Variants in TMOD3 observed in about 807,000 individuals in gnomAD.
TMOD3 encodes tropomodulin-3.
TMOD3 carries 20 observed loss-of-function variants against 39.2 expected under a neutral mutation model. That is an observed-to-expected ratio of 0.51 (90% confidence interval 0.36 to 0.74). The LOEUF is 0.74. TMOD3 is among the 30% of genes least tolerant of loss of function. TMOD3 has a pLI of 0.00. For missense variants in TMOD3, 381 were observed against 412.8 expected (o/e 0.92, Z 0.67); for synonymous variants, 143 against 145.8 (o/e 0.98, Z 0.14).
intron 3 of TMOD3, among the ~76,000 whole-genome samples, chr15:51,870,795 G>A (rs187613838): frequency 8.7e-4 from 132 of 152,280 alleles, no homozygotes; most frequent in African/African-American, 3.1e-3. Context: ...AGAACCAACA[G>A]GATGTGAGGG....
intron 1 of TMOD3, among the ~76,000 whole-genome samples, chr15:51,843,452 T>A (rs758921093): frequency 6.6e-6 from 1 of 152,222 alleles, no homozygotes; most frequent in Non-Finnish European, 1.5e-5. Context: ...GAAACATTTC[T>A]AAGTAAAGGA....
At chr15:51,850,409 G>GGCAGGT (rs2056355730) in intron 1 of TMOD3, among the ~76,000 whole-genome samples, 1 of 152,064 alleles carries the variant, frequency 6.6e-6, no homozygotes, top group Admixed American at 6.5e-5. Flanking sequence ...GTACAGGTGT[G>GGCAGGT]GCAGGTTTGT....
chr15:51,886,430 C>G lies in TMOD3; in HGVS notation c.284-1159C>G, dbSNP rs183098020. Among the ~76,000 whole-genome samples the G allele has an allele frequency of 2.8e-3, 434 of 152,364 alleles. 1 individual carries two copies. Among genetic ancestry groups the G allele is most frequent in the Non-Finnish European group, 4.3e-3 (292 of 68,034 alleles). On this transcript the variant is annotated intron_variant, in intron 3 of 9. Coordinates refer to ENST00000308580, the MANE Select transcript of TMOD3 (RefSeq NM_014547.5). Reference sequence around the variant, plus strand: ...CTGCAATCCCGGCACCTCGGGAGGCCGAGGCGGGCAGATCACTCACGGCCA... The same window carrying G: ...CTGCAATCCCGGCACCTCGGGAGGCGGAGGCGGGCAGATCACTCACGGCCA...
rs965623416 is a variant in TMOD3 at position 51,913,865 on chromosome 15, T to C, written c.*5055T>C. 2.0e-5 allele frequency: 3 copies of C among 151,900 alleles called. No individual in the cohort carries two copies. Among genetic ancestry groups the C allele is most frequent in the Non-Finnish European group, 4.4e-5 (3 of 68,016 alleles). The allele number at this position is 151,900 out of a possible 1,614,324, so 9.4% of individuals were successfully genotyped here. A position where few individuals can be genotyped will look rare whatever the true frequency, so the allele number is the denominator to read the frequency against. ...CCATATCTACAAAAAGTACAAAAAT[T>C]AGCTGGGTGCGGTGGCGCATGCCTG... On this transcript the variant is annotated 3_prime_UTR_variant, in exon 10 of 10. Coordinates refer to ENST00000308580, the MANE Select transcript of TMOD3 (RefSeq NM_014547.5).
intron 9 of TMOD3, 148 bp from the exon 10 acceptor site, chr15:51,908,628 T>A (rs978136557): frequency 3.1e-5 from 14 of 450,904 alleles, no homozygotes; most frequent in Admixed American, 2.2e-4. Context: ...TTTTTTTTTT[T>A]AATTAGTGGT....
intron 9 of TMOD3, among the ~76,000 whole-genome samples, chr15:51,903,702 T>G (rs889388378): frequency 6.6e-6 from 1 of 152,250 alleles, no homozygotes; most frequent in Non-Finnish European, 1.5e-5. Flanking sequence ...TATTTTTTCC[T>G]TCAGGCGTTT....
intron 9 of TMOD3, among the ~76,000 whole-genome samples, chr15:51,902,789 A>G (rs1183252729): frequency 1.3e-5 from 2 of 151,864 alleles, no homozygotes; most frequent in African/African-American, 2.4e-5. Flanking sequence ...AGCTGGGGCT[A>G]CAGGCGCCCG....
chr15:51,834,397 T>A (rs1241752468), intron 1 of TMOD3, among the ~76,000 whole-genome samples: 1 of 152,214 alleles, frequency 6.6e-6, no homozygotes, highest in Non-Finnish European at 1.5e-5. Context: ...CTAGAAACTT[T>A]ATTTTTCTAA....
At chr15:51,846,140 A>T (rs1194007258) in intron 1 of TMOD3, among the ~76,000 whole-genome samples, 1 of 135,578 alleles carries the variant, frequency 7.4e-6, no homozygotes, top group Non-Finnish European at 1.6e-5. Context: ...ACATGGTAAA[A>T]CCCCATTTCT....
chr15:51,878,565 CTTGTTTTGTTTTCCTTATGG>C (rs1220344484), intron 3 of TMOD3, among the ~76,000 whole-genome samples: 2 of 152,122 alleles, frequency 1.3e-5, no homozygotes, highest in Non-Finnish European at 2.9e-5. Context: ...TGAAGGATCT[CTTGTTTTGTTTTCCTTATGG>C]TGTCTTTCTA....
intron 1 of TMOD3, among the ~76,000 whole-genome samples, chr15:51,862,039 G>A (rs1470940144): frequency 2.0e-5 from 3 of 152,114 alleles, no homozygotes; most frequent in Non-Finnish European, 4.4e-5. Flanking sequence ...CAGTCCTGCC[G>A]AATCAGCAGA....
chr15:51,883,701 A>G (rs949924858), intron 3 of TMOD3, among the ~76,000 whole-genome samples: 2 of 152,216 alleles, frequency 1.3e-5, no homozygotes, highest in African/African-American at 4.8e-5. Flanking sequence ...CTGCCCATGC[A>G]GCATACAAGA....
chr15:51,875,782 A>AT (rs1281404725), intron 3 of TMOD3, among the ~76,000 whole-genome samples: 17 of 150,248 alleles, frequency 1.1e-4, no homozygotes, highest in Admixed American at 6.0e-4. Flanking sequence ...TGCCCAGCTA[A>AT]TTTTTTTTTG....
rs2141689573 is a variant in TMOD3, at chr15:51,869,378, G to A, written c.283+5G>A. ...CCTACACTGGAGAAAAAAAAGGTAA[G>A]CCCCAGAATTTTAAAGTCATTATGT... On this transcript the variant is annotated splice_donor_5th_base_variant and intron_variant, in intron 3 of 9. Coordinates refer to ENST00000308580, the MANE Select transcript of TMOD3 (RefSeq NM_014547.5). 6.2e-7 allele frequency: 1 copy of A among 1,609,046 alleles called. No individual in the cohort carries two copies. The highest frequency in any genetic ancestry group is 1.7e-4 in the Middle Eastern group (1 of 6,042).
chr15:51,886,541 C>A (rs1018550147), intron 3 of TMOD3, among the ~76,000 whole-genome samples: 3 of 152,222 alleles, frequency 2.0e-5, no homozygotes, highest in Non-Finnish European at 4.4e-5. Context: ...CGGTGCGCGC[C>A]CGCATTCCCA....
intron 3 of TMOD3, among the ~76,000 whole-genome samples, chr15:51,882,669 A>T (rs960025480): frequency 6.6e-6 from 1 of 152,174 alleles, no homozygotes; most frequent in African/African-American, 2.4e-5. Context: ...TATTCTATTG[A>T]TCTAAATGTC....
At chr15:51,872,870 A>T (rs888491583) in intron 3 of TMOD3, among the ~76,000 whole-genome samples, 15 of 152,242 alleles carry the variant, frequency 9.9e-5, no homozygotes, top group African/African-American at 3.6e-4. Context: ...GGAGCGGTCC[A>T]GAACAACCAT....
intron 1 of TMOD3, among the ~76,000 whole-genome samples, chr15:51,845,387 A>T (rs1430499599): frequency 6.6e-6 from 1 of 152,130 alleles, no homozygotes; most frequent in Non-Finnish European, 1.5e-5. Context: ...TAAAGTCAGA[A>T]CCCCTAAGTC....
rs1373987222 is a variant in TMOD3 at position 51,901,994 on chromosome 15, C to T, written c.982C>T (p.Arg328Ter). Residue 328 changes from arginine (R) to a stop codon, truncating the protein, a stop_gained, in exon 9 of 10, where the codon CGA (arginine) becomes TGA (stop). Coordinates refer to ENST00000308580, the MANE Select transcript of TMOD3 (RefSeq NM_014547.5). LOFTEE classifies it high-confidence loss of function. ...ATATCAGTTTACACAGCAGGGACCACGAACCAGAGCAGCTAATGCTATAAC... is the reference window on the plus strand; with the variant it reads ...ATATCAGTTTACACAGCAGGGACCATGAACCAGAGCAGCTAATGCTATAAC... Reference protein sequence around the residue: ...FGYQFTQQGPRTRAANAITKN... With the variant: ...FGYQFTQQGP 6 of 1,613,904 alleles carry T rather than the reference C, an allele frequency of 3.7e-6. No homozygotes were observed. Among genetic ancestry groups the T allele is most frequent in the Non-Finnish European group, 4.2e-6 (5 of 1,180,000 alleles).
Sources: allele counts gnomAD v4.1 joint callset (sites outside exome capture counted in the v4.1 genomes callset), GRCh38; gene constraint gnomAD v4.1.1; transcripts MANE v1.5; gene names NCBI Gene and HGNC (gene_info 2026-07-23, HGNC 2026-07-21).